ABCB9: variants seen among roughly 807,000 people sequenced by gnomAD.
ABCB9 encodes the protein ABC-type oligopeptide transporter ABCB9.
ABCB9 carries 36 observed loss-of-function variants against 62.0 expected under a neutral mutation model. The ratio of observed to expected loss-of-function variants is 0.58; its 90% CI spans 0.45 to 0.77. The LOEUF (loss-of-function observed/expected upper bound fraction) is 0.77, where lower values mean the gene tolerates loss of function less well. ABCB9 is among the 30% of genes least tolerant of loss of function. The pLI is 0.00. For missense variants in ABCB9, 943 were observed against 1,054.7 expected, an observed-to-expected ratio of 0.89 and a Z score of 1.47; for synonymous variants, 435 against 461.4, an observed-to-expected ratio of 0.94 and a Z score of 0.73.
rs2135747209 is a variant in ABCB9 at position 122,929,552 on chromosome 12, T to C, written c.*359A>G. Reference sequence around the variant, plus strand: ...AGTTTCTAGAACATCTTGGTGAAAGTGCCCGCCATTACTCCCAATTAGAAA... The same window carrying C: ...AGTTTCTAGAACATCTTGGTGAAAGCGCCCGCCATTACTCCCAATTAGAAA... On this transcript the variant is annotated 3_prime_UTR_variant, in exon 12 of 12. Transcript: ENST00000280560. This position sits in a 1 kb window ranked among gnomAD's most constrained non-coding sequence, Gnocchi z 6.0. 9.5e-7 allele frequency: 1 copy of C among 1,050,810 alleles called. No homozygotes were observed. Among genetic ancestry groups the C allele is most frequent in the East Asian group, 7.2e-5 (1 of 13,898 alleles). The allele number at this position is 1,050,810 out of a possible 1,614,324, so 65.1% of individuals were successfully genotyped here.
At chr12:122,935,565 A>C in intron 9 of ABCB9, 134 bp from the exon 10 acceptor site, 7 of 1,035,810 alleles carry the variant, frequency 6.8e-6, no homozygotes, top group Non-Finnish European at 9.5e-6. Flanking sequence ...CAGTGACTGC[A>C]CTGAGCTGCC....
rs1382329119 is a variant in ABCB9, at chr12:122,944,682, G to T, written c.1252-163C>A. On this transcript the variant is annotated intron_variant, in intron 6 of 11. Coordinates refer to ENST00000280560, the MANE Select transcript of ABCB9 (RefSeq NM_019625.4). The surrounding 1 kb of genome is among the most constrained non-coding windows in gnomAD (Gnocchi z 4.9). ...GTGTCTTCCAAGGCTTGTCACTCAT[G>T]CCTTCCCCTGCCCCGAGCATTTCCC... 3 of 930,524 alleles carry T rather than the reference G, an allele frequency of 3.2e-6. No individual in the cohort carries two copies. The highest frequency in any genetic ancestry group is 4.7e-6 in the Non-Finnish European group (3 of 640,218). The allele number at this position is 930,524 out of a possible 1,614,324, so 57.6% of individuals were successfully genotyped here. A position where few individuals can be genotyped will look rare whatever the true frequency, so the allele number is the denominator to read the frequency against.
chr12:122,964,419 G>T lies in ABCB9; in HGVS notation c.-88+1868C>A, dbSNP rs1305221329. On this transcript the variant is annotated intron_variant, in intron 1 of 11. Transcript: ENST00000280560. The surrounding 1 kb of genome is among the most constrained non-coding windows in gnomAD (Gnocchi z 4.7). ...GAAACTGAGGCCCACAGAGGGAGGGGGTGAGGCTTGTCTCAGGTCATCCAC... is the reference window on the plus strand; with the variant it reads ...GAAACTGAGGCCCACAGAGGGAGGGTGTGAGGCTTGTCTCAGGTCATCCAC... Among the ~76,000 whole-genome samples, 2 of 152,230 alleles carry T rather than the reference G, an allele frequency of 1.3e-5. No homozygotes were observed. The highest frequency in any genetic ancestry group is 4.8e-5 in the African/African-American group (2 of 41,454).
upstream of ABCB9, among the ~76,000 whole-genome samples, chr12:122,969,869 T>C (rs192710467): frequency 5.3e-5 from 8 of 152,264 alleles, no homozygotes; most frequent in Admixed American, 3.9e-4. Flanking sequence ...CACCAAATGC[T>C]GTCAGCGATG....
Position 122,959,884 on chromosome 12 carries a change from C to A in ABCB9, c.352G>T (p.Ala118Ser). 3.1e-6 allele frequency: 5 copies of A among 1,613,528 alleles called. No individual in the cohort carries two copies. The highest frequency in any genetic ancestry group is 4.2e-6 in the Non-Finnish European group (5 of 1,179,894). The change falls in exon 2 of 12, where the codon GCC becomes TCC. Residue 118 changes from alanine (A) to serine (S), a missense_variant. Physicochemically the swap from Ala to Ser is moderately conservative, Grantham distance 99. Transcript: ENST00000280560. The surrounding 1 kb of genome is among the most constrained non-coding windows in gnomAD (Gnocchi z 5.4). ...GAAATGTACGTCCACACGAACAGGG[C>A]CCAAAACCAGGGGTCCCGGATGGGC... ...RRPIRDPWFW[A>S]LFVWTYISLG...
intron 5 of ABCB9, among the ~76,000 whole-genome samples, chr12:122,946,661 C>A (rs1014646059): frequency 6.6e-6 from 1 of 152,252 alleles, no homozygotes; most frequent in Non-Finnish European, 1.5e-5. Context: ...CCATTTACAT[C>A]ATCAACATAA....
At chr12:122,960,396 G>C (rs2036831709) in intron 1 of ABCB9, 74 bp from the exon 2 acceptor site, 5 of 978,934 alleles carry the variant, frequency 5.1e-6, no homozygotes, top group Non-Finnish European at 7.3e-6. Flanking sequence ...CCTTGAGAAA[G>C]TCACTTGACA....
At position 122,944,297 on chromosome 12, in the gene ABCB9, C is replaced by G; in HGVS notation, c.1380+94G>C. 1 of 1,507,910 alleles carries G rather than the reference C, an allele frequency of 6.6e-7. No homozygotes were observed. The highest frequency in any genetic ancestry group is 1.3e-5 in the South Asian group (1 of 78,798). The allele number at this position is 1,507,910 out of a possible 1,614,324, so 93.4% of individuals were successfully genotyped here. A position where few individuals can be genotyped will look rare whatever the true frequency, so the allele number is the denominator to read the frequency against. ...ACCTTAGAGAGAAATACCACATTGT[C>G]AGAGTCCCTGGAGCCCCGCCCCCAC... On this transcript the variant is annotated intron_variant, in intron 7 of 11. Transcript: ENST00000280560. This position sits in a 1 kb window ranked among gnomAD's most constrained non-coding sequence, Gnocchi z 4.9.
At chr12:122,945,649 G>A (rs1327789626) in intron 6 of ABCB9, among the ~76,000 whole-genome samples, 21 of 152,222 alleles carry the variant, frequency 1.4e-4, no homozygotes, top group Admixed American at 1.2e-3. Flanking sequence ...AGGCTGATGC[G>A]GGTGGATCAC....
At chr12:122,922,973 T>C (rs2034786340) in intron 11 of ABCB9, among the ~76,000 whole-genome samples, 1 of 151,806 alleles carries the variant, frequency 6.6e-6, no homozygotes, top group African/African-American at 2.4e-5. Context: ...TTTCTTCTTC[T>C]TTTTTTTAAA....
Position 122,947,620 on chromosome 12 carries a change from G to T in ABCB9, c.1053+1004C>A. ...TGAACCCAGCCTGTCTGTCCCTTAGGGCTCGGGGGCACCCGCCCATTCAGG... is the reference window on the plus strand; with the variant it reads ...TGAACCCAGCCTGTCTGTCCCTTAGTGCTCGGGGGCACCCGCCCATTCAGG... On this transcript the variant is annotated intron_variant, in intron 5 of 11. Coordinates refer to ENST00000280560, the MANE Select transcript of ABCB9 (RefSeq NM_019625.4). This position sits in a 1 kb window ranked among gnomAD's most constrained non-coding sequence, Gnocchi z 6.0. 3.4e-6 allele frequency: 1 copy of T among 291,824 alleles called. No individual in the cohort carries two copies. Among genetic ancestry groups the T allele is most frequent in the South Asian group, 2.6e-5 (1 of 39,192 alleles). 18.1% of individuals were successfully genotyped at this position (291,824 alleles called of 1,614,324 possible). A position where few individuals can be genotyped will look rare whatever the true frequency, so the allele number is the denominator to read the frequency against.
chr12:122,948,647 T>C lies in ABCB9; in HGVS notation c.1030A>G (p.Asn344Asp). ...ACCTTGTAGTACTTGCCGTAGATGT[T>C]GGACACCATCATGATGATGGGGAAG... ...MGFPIIMMVS[N>D]IYGKYYKRLS... The change falls in exon 5 of 12, where the codon AAC (asparagine) becomes GAC (aspartate). Residue 344 changes from asparagine (N) to aspartate (D), a missense_variant. Physicochemically the swap from Asn to Asp is conservative, Grantham distance 23 (BLOSUM62 1). Coordinates refer to ENST00000280560, the MANE Select transcript of ABCB9 (RefSeq NM_019625.4). 5 of 1,613,444 alleles carry C rather than the reference T, an allele frequency of 3.1e-6. No homozygotes were observed. Among genetic ancestry groups the C allele is most frequent in the African/African-American group, 1.3e-5 (1 of 75,034 alleles).
At chr12:122,968,727 A>G (rs2037237636), upstream of ABCB9, among the ~76,000 whole-genome samples, 1 of 134,434 alleles carries the variant, frequency 7.4e-6, no homozygotes, top group Non-Finnish European at 1.5e-5. Flanking sequence ...CATTCTTCCC[A>G]CCACAGCCTC....
At chr12:122,922,583 TG>T (rs1275607118) in intron 11 of ABCB9, among the ~76,000 whole-genome samples, 1 of 152,250 alleles carries the variant, frequency 6.6e-6, no homozygotes, top group Non-Finnish European at 1.5e-5. Context: ...TTTGCCATGC[TG>T]GCCAAGATGG....
intron 6 of ABCB9, among the ~76,000 whole-genome samples, chr12:122,945,439 G>A (rs2035982085): frequency 6.6e-6 from 1 of 152,070 alleles, no homozygotes; most frequent in Non-Finnish European, 1.5e-5. Flanking sequence ...GAGTGTGTGT[G>A]GCTGTGACAT....
chr12:122,956,040 C>T (rs957244769), intron 2 of ABCB9, among the ~76,000 whole-genome samples: 1 of 152,162 alleles, frequency 6.6e-6, no homozygotes, highest in East Asian at 1.9e-4. Context: ...GTCATAAAAG[C>T]TATAACTGAG....
At chr12:122,919,897 A>ATTTG (rs2034708902), downstream of ABCB9, among the ~76,000 whole-genome samples, 1 of 127,806 alleles carries the variant, frequency 7.8e-6, no homozygotes, top group Non-Finnish European at 1.6e-5. Context: ...TTATTTATTT[A>ATTTG]TTTATTTATT....
chr12:122,935,359 T>C lies in ABCB9; in HGVS notation c.1816A>G (p.Thr606Ala), dbSNP rs755701170. Residue 606 changes from threonine to alanine, a missense_variant, in exon 10 of 12, where the codon ACT becomes GCT. Transcript: ENST00000280560. ...ITDNISYGLP[T>A]VPFEMVVEAA... ...TCCACCACCATCTCGAAAGGCACAG[T>C]GGGCAGGCCGTAGGAGATGTTATCC... The C allele has an allele frequency of 1.1e-5, 18 of 1,613,876 alleles. 1 individual carries two copies. Among genetic ancestry groups the C allele is most frequent in the Non-Finnish European group, 1.5e-5 (18 of 1,179,998 alleles).
chr12:122,965,059 G>A (rs1040352431), intron 1 of ABCB9, among the ~76,000 whole-genome samples: 4 of 152,154 alleles, frequency 2.6e-5, no homozygotes, highest in East Asian at 1.9e-4. Flanking sequence ...ACCCTTCACC[G>A]GGCCCTACTA....
Sources: allele counts gnomAD v4.1 joint callset (sites outside exome capture counted in the v4.1 genomes callset), GRCh38; gene constraint gnomAD v4.1.1; non-coding constraint Gnocchi (gnomAD v3.1); transcripts MANE v1.5; gene names NCBI Gene and HGNC (gene_info 2026-07-23, HGNC 2026-07-21).